The following GON4L variants were observed in gnomAD, a reference collection of about 807,000 sequenced individuals.
GON4L encodes GON-4-like protein.
In GON4L, 87 loss-of-function variants were observed where a neutral mutation model predicts 211.8. That is an observed-to-expected ratio of 0.41 (90% CI 0.35 to 0.49). GON4L has a LOEUF of 0.49. GON4L is among the 20% of genes least tolerant of loss of function. The pLI is 0.15. For synonymous variants in GON4L, 875 were observed against 962.6 expected (o/e 0.91, Z 1.68); for missense variants, 2,155 against 2,659.5 (o/e 0.81, Z 4.17).
At chr1:155,824,975 C>T (rs150043972) in intron 3 of GON4L, among the ~76,000 whole-genome samples, 8 of 151,322 alleles carry the variant, frequency 5.3e-5, no homozygotes, top group Admixed American at 3.3e-4. Context: ...TAGTGAAAAC[C>T]GTCTCTAAAA....
intron 2 of GON4L, among the ~76,000 whole-genome samples, chr1:155,837,877 T>C (rs1043538612): frequency 2.0e-5 from 3 of 152,216 alleles, no homozygotes; most frequent in African/African-American, 7.2e-5. Context: ...GGTTTCAAAA[T>C]TGTCAGAAAT....
intron 13 of GON4L, chr1:155,784,317 G>C (rs1029670650): frequency 2.4e-6 from 1 of 416,908 alleles, no homozygotes. Context: ...GTAACAGTAA[G>C]GACAGAGCGT....
intron 13 of GON4L, chr1:155,784,358 CTTTTTTTTTTTTTTTTTTTTTTTTTTT>C: frequency 9.9e-6 from 1 of 100,624 alleles, no homozygotes; most frequent in Non-Finnish European, 1.8e-5. Context: ...TCTCTCTCTC[CTTTTTTTTTTTTTTTTTTTTTTTTTTT>C]TTTTTTTTTT....
rs374184186 is a variant in GON4L, at chr1:155,760,637, C to A, written c.4916G>T (p.Arg1639Leu). The part of the protein sequence containing the change: ...AFAQAYLTRV[R>L]EALQHIPGKY... ...GCCAGGGATATGTTGTAGGGCTTCT[C>A]GCACCTACACGGGAAGACTTTCAAT... is the stretch of plus-strand genomic sequence containing the variant. The change falls in exon 24 of 32, where the codon CGA becomes CTA. Residue 1639 changes from arginine to leucine, a missense_variant. Around this residue, in one of 6 missense-constraint regions of GON4L, gnomAD observed 455 missense variants for 504.6 expected, o/e 0.90. Coordinates refer to ENST00000368331, the MANE Select transcript of GON4L (RefSeq NM_001282860.2). The A allele has an allele frequency of 6.2e-7, 1 of 1,604,230 alleles. No individual in the cohort carries two copies. The highest frequency in any genetic ancestry group is 1.7e-5 in the Admixed American group (1 of 59,978).
chr1:155,768,936 T>A (rs1341248578), intron 19 of GON4L, among the ~76,000 whole-genome samples: 2 of 152,166 alleles, frequency 1.3e-5, no homozygotes, highest in Non-Finnish European at 2.9e-5. Context: ...GTTTGAGTTG[T>A]GTGTCATTTT....
At chr1:155,856,221 TTC>T (rs138363426) in intron 1 of GON4L, among the ~76,000 whole-genome samples, 16 of 150,790 alleles carry the variant, frequency 1.1e-4, no homozygotes, top group South Asian at 2.1e-4. Context: ...TTTTCTTTCT[TTC>T]TCTCTCTCTC....
At chr1:155,774,289 G>T (rs1009437665) in intron 17 of GON4L, among the ~76,000 whole-genome samples, 1 of 148,054 alleles carries the variant, frequency 6.8e-6, no homozygotes, top group African/African-American at 2.5e-5. Context: ...CAGTCAGTAT[G>T]GTAAATAAAG....
chr1:155,768,563 A>C (rs963182455), intron 19 of GON4L, among the ~76,000 whole-genome samples: 4 of 150,190 alleles, frequency 2.7e-5, no homozygotes, highest in Non-Finnish European at 5.9e-5. Context: ...GTGAGCCGAG[A>C]TCACACCACT....
chr1:155,800,608 C>T (rs1666552880), intron 11 of GON4L, among the ~76,000 whole-genome samples: 1 of 151,920 alleles, frequency 6.6e-6, no homozygotes, highest in Admixed American at 6.6e-5. Context: ...AATCCCAGCA[C>T]TTTGGGAGGC....
rs1661675139 is a variant in GON4L at position 155,760,481 on chromosome 1, G to A, written c.5072C>T (p.Ala1691Val). The A allele has an allele frequency of 1.9e-6, 3 of 1,612,312 alleles. No homozygotes were observed. The African/African-American group carries it at 4.0e-5, about 22-fold the overall frequency. ...DWPQLLKDFA[A>V]FLLPEQALAC... The stretch of plus-strand genomic sequence containing the variant: ...CAGAGCTTGCTCAGGTAACAGGAAA[G>A]CAGCAAAGTCTTTCAACAGCTGAGG... The change falls in exon 24 of 32, where the codon GCT (alanine) becomes GTT (valine). Residue 1691 changes from alanine (A) to valine (V), a missense_variant. Transcript: ENST00000368331.
chr1:155,754,721 G>C (rs893873026), intron 27 of GON4L, among the ~76,000 whole-genome samples: 1 of 151,166 alleles, frequency 6.6e-6, no homozygotes, highest in Admixed American at 6.6e-5. Flanking sequence ...GTAGAGACAG[G>C]GTTTCACCAT....
intron 12 of GON4L, among the ~76,000 whole-genome samples, 179 bp from the exon 13 acceptor site, chr1:155,785,553 C>T (rs903975378): frequency 1.3e-5 from 2 of 152,112 alleles, no homozygotes; most frequent in African/African-American, 2.4e-5. Flanking sequence ...GGCACGATCT[C>T]AGCTCACTGC....
intron 4 of GON4L, 91 bp from the exon 5 acceptor site, chr1:155,821,639 G>A (rs891952042): frequency 8.9e-6 from 7 of 783,182 alleles, no homozygotes; most frequent in Non-Finnish European, 1.6e-5. Flanking sequence ...CCTATGTACA[G>A]GACAAATGAG....
rs759263499 is a variant in GON4L at position 155,765,459 on chromosome 1, T to C, written c.4014A>G (p.Gly1338=). 6.2e-7 allele frequency: 1 copy of C among 1,614,154 alleles called. No homozygotes were observed. The highest frequency in any genetic ancestry group is 8.5e-7 in the Non-Finnish European group (1 of 1,180,020). ...CATCACAAATATCACGCTCAGGGGA[T>C]CCACTGATTTCCTCTCTAGCTTCTT... ...EPEEAREEIS[G]SPERDICDDI... Residue 1338 remains glycine (G), a synonymous_variant, in exon 21 of 32, where the codon GGA becomes GGG. Coordinates refer to ENST00000368331, the MANE Select transcript of GON4L (RefSeq NM_001282860.2).
At chr1:155,768,379 G>A (rs1662788853) in intron 19 of GON4L, among the ~76,000 whole-genome samples, 1 of 151,052 alleles carries the variant, frequency 6.6e-6, no homozygotes, top group Admixed American at 6.6e-5. Context: ...GGGAGGTTGA[G>A]GTGGGCAGAT....
chr1:155,756,421 T>G (rs1661187121), intron 27 of GON4L: 1 of 152,638 alleles, frequency 6.6e-6, no homozygotes, highest in Non-Finnish European at 1.5e-5. Context: ...AACTAGGGAA[T>G]CCTGGGGCCC....
chr1:155,841,077 T>C (rs1450941791), intron 2 of GON4L, among the ~76,000 whole-genome samples: 2 of 152,212 alleles, frequency 1.3e-5, no homozygotes, highest in South Asian at 2.1e-4. Flanking sequence ...AGGGACAAGC[T>C]TGTATTCATT....
At chr1:155,787,509 A>C (rs1665080908) in intron 12 of GON4L, among the ~76,000 whole-genome samples, 1 of 152,192 alleles carries the variant, frequency 6.6e-6, no homozygotes, top group South Asian at 2.1e-4. Context: ...GCAGTGGCTT[A>C]CGCCTGTAAT....
chr1:155,798,031 T>C (rs1666247465), intron 11 of GON4L, among the ~76,000 whole-genome samples: 1 of 150,026 alleles, frequency 6.7e-6, no homozygotes, highest in Admixed American at 6.7e-5. Context: ...CAGTGAGTCA[T>C]GATCACGCCA....
Sources: gnomAD v4.1 joint callset for allele counts (sites outside exome capture counted in the v4.1 genomes callset) on GRCh38, gnomAD v4.1.1 for gene constraint, gnomAD v4.1.1 regional missense constraint, MANE v1.5 for transcripts, NCBI Gene and HGNC (gene_info 2026-07-23, HGNC 2026-07-21) for gene names.